Variants in KANK1 observed in about 807,000 individuals in gnomAD.
KANK1 encodes KN motif and ankyrin repeat domain-containing protein 1.
A neutral mutation model predicts 106.2 loss-of-function variants in KANK1; 109 were observed. That is an observed-to-expected ratio of 1.03 (90% CI 0.88 to 1.20). The LOEUF (loss-of-function observed/expected upper bound fraction) is 1.20, where lower values mean the gene tolerates loss of function less well. KANK1 is among the 50% of genes most tolerant of loss of function. The pLI is 0.00. For missense variants in KANK1, 2,399 were observed against 1,710.7 expected (o/e 1.40, Z -7.10); for synonymous variants, 873 against 652.2 (o/e 1.34, Z -5.16).
At chr9:610,171 C>T (rs1016884061) in intron 1 of KANK1, among the ~76,000 whole-genome samples, 3 of 152,132 alleles carry the variant, frequency 2.0e-5, no homozygotes, top group African/African-American at 7.2e-5. Flanking sequence ...GATAAGTTCA[C>T]AGGAATAACT....
chr9:674,302 C>T (rs1044431293), intron 1 of KANK1: 1 of 151,430 alleles, frequency 6.6e-6, no homozygotes, highest in Non-Finnish European at 1.5e-5. Flanking sequence ...GGTTTAGAAT[C>T]TCCTCTCTCC....
At chr9:522,945 A>T (rs2059616170) in intron 1 of KANK1, among the ~76,000 whole-genome samples, 1 of 151,676 alleles carries the variant, frequency 6.6e-6, no homozygotes, top group African/African-American at 2.4e-5. Flanking sequence ...TCCCTGAGTT[A>T]ATGTTAGCCT....
intron 1 of KANK1, among the ~76,000 whole-genome samples, chr9:592,391 T>G (rs1225353508): frequency 6.6e-6 from 1 of 151,876 alleles, no homozygotes; most frequent in African/African-American, 2.4e-5. Flanking sequence ...ACTCAAAGAC[T>G]TTGTCATTAC....
chr9:472,668 A>G (rs1292967128), intron 2 of KANK1, among the ~76,000 whole-genome samples: 1 of 152,190 alleles, frequency 6.6e-6, no homozygotes, highest in Admixed American at 6.5e-5. Context: ...ATAGAAAGAG[A>G]TCCAGCTGCA....
At chr9:599,915 G>T (rs920004447) in intron 1 of KANK1, among the ~76,000 whole-genome samples, 2 of 151,520 alleles carry the variant, frequency 1.3e-5, no homozygotes, top group African/African-American at 4.9e-5. Flanking sequence ...GTGTGGTGTT[G>T]GTGTTTTATA....
intron 1 of KANK1, among the ~76,000 whole-genome samples, chr9:597,762 C>G (rs1453824505): frequency 6.6e-6 from 1 of 151,560 alleles, no homozygotes; most frequent in Non-Finnish European, 1.5e-5. Flanking sequence ...CTCCTGGGTT[C>G]AAGTGATTCT....
At position 694,273 on chromosome 9, in the gene KANK1, G is replaced by A. The variant is rs529041545; in HGVS notation, c.38-16531G>A. 9.6e-4 allele frequency among the ~76,000 whole-genome samples: 146 copies of A among 152,262 alleles called. 1 individual carries two copies. The highest frequency in any genetic ancestry group is 3.5e-3 in the African/African-American group (145 of 41,544). ...CTGTAATGTTTTGTTAGAAAAGCCT[G>A]TTTTATCCCTAAGTTAGCCAGTGCT... is the stretch of plus-strand genomic sequence containing the variant. On this transcript the variant is annotated intron_variant, in intron 2 of 11. Coordinates refer to ENST00000382297, the MANE Select transcript of KANK1 (RefSeq NM_015158.5).
At chr9:647,276 A>ATT (rs149789692) in intron 1 of KANK1, among the ~76,000 whole-genome samples, 1 of 57,804 alleles carries the variant, frequency 1.7e-5, no homozygotes, top group East Asian at 1.0e-3. Flanking sequence ...TAATTTTCTA[A>ATT]TTATGACTAG....
intron 1 of KANK1, among the ~76,000 whole-genome samples, chr9:589,625 G>A (rs1824346580): frequency 6.6e-6 from 1 of 152,072 alleles, no homozygotes; most frequent in African/African-American, 2.4e-5. Context: ...CTTTGAGACT[G>A]AAGGAATGCG....
intron 2 of KANK1, among the ~76,000 whole-genome samples, chr9:699,189 A>G (rs1263768940): frequency 6.6e-6 from 1 of 152,156 alleles, no homozygotes; most frequent in Non-Finnish European, 1.5e-5. Flanking sequence ...CTGTGTTCCA[A>G]CATAACGCCT....
At chr9:723,499 T>C (rs370560852) in intron 3 of KANK1, among the ~76,000 whole-genome samples, 1,551 of 146,396 alleles carry the variant, frequency 0.011, 33 homozygotes, top group African/African-American at 0.041. Context: ...AGCACCTGGG[T>C]CCTGTGTCCT....
chr9:477,509 A>C (rs1437963669), intron 3 of KANK1, among the ~76,000 whole-genome samples: 1 of 152,198 alleles, frequency 6.6e-6, no homozygotes, highest in African/African-American at 2.4e-5. Context: ...AGGTGTCCCT[A>C]CTGCACAGAA....
chr9:571,971 G>C (rs1420014100), intron 1 of KANK1, among the ~76,000 whole-genome samples: 1 of 152,116 alleles, frequency 6.6e-6, no homozygotes, highest in Non-Finnish European at 1.5e-5. Flanking sequence ...TGTAGGTGCA[G>C]AACAACTCGG....
At chr9:642,354 C>T (rs1159632526) in intron 1 of KANK1, among the ~76,000 whole-genome samples, 1 of 150,874 alleles carries the variant, frequency 6.6e-6, no homozygotes, top group Non-Finnish European at 1.5e-5. Flanking sequence ...AAAGCCATTT[C>T]CTCATCCTCC....
At chr9:649,710 C>T (rs961380285) in intron 1 of KANK1, among the ~76,000 whole-genome samples, 1 of 152,156 alleles carries the variant, frequency 6.6e-6, no homozygotes, top group African/African-American at 2.4e-5. Context: ...AAAGGCCCAT[C>T]AAGGTTTTCA....
At chr9:693,300 C>T in intron 2 of KANK1, 14 of 765,578 alleles carry the variant, frequency 1.8e-5, no homozygotes, top group Non-Finnish European at 2.1e-5. Flanking sequence ...CACAAGCCAG[C>T]TGCTGTGCTA....
chr9:720,942 C>T (rs890367779), intron 3 of KANK1, among the ~76,000 whole-genome samples: 8 of 152,222 alleles, frequency 5.3e-5, no homozygotes, highest in African/African-American at 1.9e-4. Context: ...TGGGTTGAAA[C>T]TAGAGGGGAG....
chr9:690,133 CAAAAAAAAAAA>C (rs57837964), intron 2 of KANK1, among the ~76,000 whole-genome samples: 4 of 61,662 alleles, frequency 6.5e-5, no homozygotes, highest in Non-Finnish European at 1.1e-4. Flanking sequence ...TCTAAAAATA[CAAAAAAAAAAA>C]AAAAAAAAAA....
intron 3 of KANK1, among the ~76,000 whole-genome samples, chr9:486,951 A>C (rs1183691654): frequency 6.6e-6 from 1 of 152,200 alleles, no homozygotes; most frequent in Non-Finnish European, 1.5e-5. Flanking sequence ...GCTCTGCTTT[A>C]TTGATATTTA....
Sources: gnomAD v4.1 joint callset for allele counts (sites outside exome capture counted in the v4.1 genomes callset) on GRCh38, gnomAD v4.1.1 for gene constraint, MANE v1.5 for transcripts, NCBI Gene and HGNC (gene_info 2026-07-23, HGNC 2026-07-21) for gene names.